Variants in CNTN4 observed in about 807,000 individuals in gnomAD.
CNTN4 encodes the protein contactin-4.
In CNTN4, 77 loss-of-function variants were observed where a neutral mutation model predicts 122.5. The observed-to-expected ratio is 0.63, with a 90% CI of 0.52 to 0.76. CNTN4 has a LOEUF of 0.76. Among genes scored for constraint, CNTN4 ranks in the 30% least tolerant of loss-of-function variants. The pLI, the probability that CNTN4 is intolerant of heterozygous loss-of-function variation, is 0.00. For missense variants in CNTN4, 1,256 were observed against 1,259.1 expected (o/e 1.00, Z 0.04); for synonymous variants, 512 against 447.0 (o/e 1.15, Z -1.83).
intron 3 of CNTN4, among the ~76,000 whole-genome samples, chr3:2,435,469 C>G (rs2048227813): frequency 6.6e-6 from 1 of 152,072 alleles, no homozygotes; most frequent in South Asian, 2.1e-4. Flanking sequence ...ACACAACCAT[C>G]CAACTTTTTC....
chr3:3,009,649 G>A (rs957323768), intron 14 of CNTN4, among the ~76,000 whole-genome samples: 15 of 152,172 alleles, frequency 9.9e-5, no homozygotes, highest in Admixed American at 7.2e-4. Context: ...TAGCCAGGAT[G>A]GTCTCGATCT....
In CNTN4 at chr3:2,833,737, T is replaced by A. The variant is rs187353501; in HGVS notation, c.454+14156T>A. 7.5e-4 allele frequency among the ~76,000 whole-genome samples: 115 copies of A among 152,332 alleles called. No individual in the cohort carries two copies. In the East Asian group the frequency reaches 0.02, roughly 27 times the overall value. ...ATATTCAAAGGATTTGGAAAATTTT[T>A]AAAAAATAATTCCAATGACATAACT... On this transcript the variant is annotated intron_variant, in intron 7 of 24. Coordinates refer to ENST00000418658, the MANE Select transcript of CNTN4 (RefSeq NM_175607.3).
intron 3 of CNTN4, among the ~76,000 whole-genome samples, chr3:2,520,425 A>G (rs2077171002): frequency 6.6e-6 from 1 of 151,636 alleles, no homozygotes; most frequent in Admixed American, 6.6e-5. Flanking sequence ...AGCACCTGCT[A>G]CCACACGCTG....
In CNTN4 at chr3:3,056,288, C is replaced by G. The variant is rs1701795207; in HGVS notation, c.*68C>G. 2 of 1,113,522 alleles carry G rather than the reference C, an allele frequency of 1.8e-6. No homozygotes were observed. Among genetic ancestry groups the G allele is most frequent in the Non-Finnish European group, 2.8e-6 (2 of 726,946 alleles). The allele number at this position is 1,113,522 out of a possible 1,614,324, so 69.0% of individuals were successfully genotyped here. On this transcript the variant is annotated 3_prime_UTR_variant, in exon 25 of 25. Transcript: ENST00000418658. ...ATTTAGCTAGTTGTTTTGAAGACAC[C>G]CAGTACTAAGTAATATTGTTGTTCA...
intron 13 of CNTN4, chr3:2,985,142 A>C (rs1341682294): frequency 6.6e-6 from 1 of 152,148 alleles, no homozygotes; most frequent in Non-Finnish European, 1.5e-5. Flanking sequence ...TATTTTTTTA[A>C]TTGTAGATTT....
chr3:2,834,383 G>A (rs1368725700), intron 7 of CNTN4, among the ~76,000 whole-genome samples: 1 of 152,004 alleles, frequency 6.6e-6, no homozygotes, highest in Non-Finnish European at 1.5e-5. Flanking sequence ...TGGCCAACAT[G>A]GTGAAACCCC....
intron 12 of CNTN4, among the ~76,000 whole-genome samples, chr3:2,904,569 G>T (rs1482409663): frequency 6.6e-6 from 1 of 152,138 alleles, no homozygotes; most frequent in East Asian, 1.9e-4. Flanking sequence ...AGGCCTACTG[G>T]AATCCTAAAC....
chr3:2,797,367 G>A (rs986019884), intron 6 of CNTN4, among the ~76,000 whole-genome samples: 1 of 152,186 alleles, frequency 6.6e-6, no homozygotes, highest in Admixed American at 6.5e-5. Context: ...GGGAGGCCAA[G>A]TCAGGTGGAT....
intron 3 of CNTN4, among the ~76,000 whole-genome samples, chr3:2,464,784 G>T (rs759574169): frequency 6.6e-6 from 1 of 152,190 alleles, no homozygotes; most frequent in Non-Finnish European, 1.5e-5. Flanking sequence ...CCATTTTCTG[G>T]TTCTTCTTCA....
rs532648336 is a variant in CNTN4 at position 2,911,903 on chromosome 3, G to A, written c.1207+8898G>A. 9.9e-5 allele frequency among the ~76,000 whole-genome samples: 15 copies of A among 152,086 alleles called. No homozygotes were observed. In the South Asian group the frequency reaches 1.9e-3, roughly 19 times the overall value. On this transcript the variant is annotated intron_variant, in intron 12 of 24. Coordinates refer to ENST00000418658, the MANE Select transcript of CNTN4 (RefSeq NM_175607.3). Reference sequence around the variant, plus strand: ...AATTATTGAGGCAGAGGAGCAAAACGGAAAAAATAAGAAAAGTGAAGAAAG... The same window carrying A: ...AATTATTGAGGCAGAGGAGCAAAACAGAAAAAATAAGAAAAGTGAAGAAAG...
chr3:2,399,300 A>G (rs757881547), intron 3 of CNTN4, among the ~76,000 whole-genome samples: 3 of 151,654 alleles, frequency 2.0e-5, no homozygotes, highest in Non-Finnish European at 4.4e-5. Context: ...TACCCTATCT[A>G]GTGTCTTATG....
intron 14 of CNTN4, among the ~76,000 whole-genome samples, chr3:3,003,317 T>C (rs163553): frequency 0.26 from 40,160 of 151,962 alleles, 5,485 homozygotes; most frequent in Non-Finnish European, 0.31. Context: ...TTATTCATAA[T>C]AGCCACAGTG....
intron 4 of CNTN4, among the ~76,000 whole-genome samples, chr3:2,722,718 A>C (rs546671197): frequency 6.6e-6 from 1 of 152,322 alleles, no homozygotes; most frequent in East Asian, 1.9e-4. Context: ...TGTTTGCCCA[A>C]ATCAGTGTGC....
chr3:2,428,279 T>C (rs935611926), intron 3 of CNTN4, among the ~76,000 whole-genome samples: 1 of 152,168 alleles, frequency 6.6e-6, no homozygotes, highest in Admixed American at 6.5e-5. Context: ...GGTGAGAAAA[T>C]CTCTCAGCAT....
intron 2 of CNTN4, among the ~76,000 whole-genome samples, chr3:2,305,174 T>C (rs2042660854): frequency 6.6e-6 from 1 of 152,088 alleles, no homozygotes; most frequent in Non-Finnish European, 1.5e-5. Flanking sequence ...TTCCCACAGT[T>C]ATTGGTGCTA....
intron 13 of CNTN4, among the ~76,000 whole-genome samples, chr3:2,981,581 A>G (rs945306273): frequency 1.3e-5 from 2 of 152,218 alleles, no homozygotes; most frequent in Non-Finnish European, 2.9e-5. Flanking sequence ...AAAGAATGTA[A>G]TATTAGTGGA....
intron 3 of CNTN4, among the ~76,000 whole-genome samples, chr3:2,451,614 G>A (rs180981555): frequency 6.6e-6 from 1 of 151,892 alleles, no homozygotes; most frequent in East Asian, 1.9e-4. Flanking sequence ...TTAGTTGACT[G>A]TAACCATATA....
intron 10 of CNTN4, among the ~76,000 whole-genome samples, chr3:2,898,244 GC>G (rs1366347897): frequency 6.6e-6 from 1 of 152,076 alleles, no homozygotes; most frequent in African/African-American, 2.4e-5. Context: ...ATCTTCATGG[GC>G]CCACGTTCAG....
intron 2 of CNTN4, among the ~76,000 whole-genome samples, chr3:2,320,685 A>G (rs2043248188): frequency 6.6e-6 from 1 of 152,190 alleles, no homozygotes; most frequent in Admixed American, 6.5e-5. Flanking sequence ...GCTGCCATAA[A>G]TTATCCCGAA....
Sources: allele counts gnomAD v4.1 joint callset (sites outside exome capture counted in the v4.1 genomes callset), GRCh38; gene constraint gnomAD v4.1.1; transcripts MANE v1.5; gene names NCBI Gene and HGNC (gene_info 2026-07-23, HGNC 2026-07-21).